The following L3MBTL3 variants were observed in gnomAD, a reference collection of about 807,000 sequenced individuals.
L3MBTL3 encodes the protein L3MBTL histone methyl-lysine binding protein 3.
L3MBTL3 carries 27 observed loss-of-function variants against 102.3 expected under a neutral mutation model. That is an observed-to-expected ratio of 0.26 (90% CI 0.19 to 0.36). The LOEUF (loss-of-function observed/expected upper bound fraction) is 0.36, where lower values mean the gene tolerates loss of function less well. L3MBTL3 is among the 10% of genes least tolerant of loss of function. L3MBTL3 has a pLI of 1.00. For synonymous variants in L3MBTL3, 340 were observed against 320.9 expected (o/e 1.06, Z -0.64); for missense variants, 798 against 955.3 (o/e 0.84, Z 2.17).
intron 15 of L3MBTL3, among the ~76,000 whole-genome samples, 187 bp from the exon 16 acceptor site, chr6:130,085,953 A>G (rs1783656158): frequency 6.6e-6 from 1 of 152,014 alleles, no homozygotes; most frequent in East Asian, 1.9e-4. Flanking sequence ...GGGTTCAGCC[A>G]TGTTGGCCAG....
At chr6:130,090,799 C>A (rs550126823) in intron 16 of L3MBTL3, among the ~76,000 whole-genome samples, 1 of 151,898 alleles carries the variant, frequency 6.6e-6, no homozygotes, top group Non-Finnish European at 1.5e-5. Context: ...GTTGTCCAGG[C>A]TGATCTTGAA....
At chr6:130,098,349 T>C (rs1176113975) in intron 18 of L3MBTL3, among the ~76,000 whole-genome samples, 1 of 152,154 alleles carries the variant, frequency 6.6e-6, no homozygotes, top group African/African-American at 2.4e-5. Context: ...TGAGGGACTG[T>C]ATAGAGGAGA....
intron 1 of L3MBTL3, chr6:130,020,388 C>A (rs1466064182): frequency 7.6e-6 from 1 of 132,258 alleles, no homozygotes; most frequent in African/African-American, 2.9e-5. Context: ...CACGGTGGCA[C>A]GGGCGGGGGG....
chr6:130,099,020 T>G (rs748464890), intron 18 of L3MBTL3, among the ~76,000 whole-genome samples: 1 of 151,960 alleles, frequency 6.6e-6, no homozygotes, highest in Non-Finnish European at 1.5e-5. Flanking sequence ...CAATAAAAAT[T>G]ACAATTAAAA....
rs1216212511 is a variant in L3MBTL3 at position 130,086,235 on chromosome 6, T to A, written c.1503T>A (p.Asp501Glu). The A allele has an allele frequency of 6.2e-7, 1 of 1,607,754 alleles. No homozygotes were observed. Among genetic ancestry groups the A allele is most frequent in the Non-Finnish European group, 8.5e-7 (1 of 1,175,204 alleles). The change falls in exon 16 of 23, where the codon GAT becomes GAA. Residue 501 changes from aspartate (D) to glutamate (E), a missense_variant. By Grantham distance (45) the Asp-to-Glu change is conservative. Transcript: ENST00000361794. Reference protein sequence around the residue: ...FIRVATVADTDDHRVKVHFDG... With the variant: ...FIRVATVADTEDHRVKVHFDG... ...GAGTAGCAACTGTGGCAGACACAGA[T>A]GATCACCGGGTAAAAGTAAGTGTTC... is the stretch of plus-strand genomic sequence containing the variant.
At chr6:130,082,940 A>G (rs1383258005) in intron 14 of L3MBTL3, among the ~76,000 whole-genome samples, 2 of 152,192 alleles carry the variant, frequency 1.3e-5, no homozygotes, top group African/African-American at 2.4e-5. Context: ...TATCTCTGAT[A>G]TATTTGCTGC....
chr6:130,069,496 A>G (rs974473918), intron 12 of L3MBTL3, among the ~76,000 whole-genome samples: 2 of 152,178 alleles, frequency 1.3e-5, no homozygotes, highest in African/African-American at 4.8e-5. Context: ...GTGCATGCGT[A>G]TGTGTGTTTA....
At chr6:130,136,904 C>T (rs1015040732) in intron 22 of L3MBTL3, among the ~76,000 whole-genome samples, 2 of 152,164 alleles carry the variant, frequency 1.3e-5, no homozygotes, top group East Asian at 1.9e-4. Flanking sequence ...ACTCATGAGC[C>T]GCTGCTCCTG....
intron 2 of L3MBTL3, among the ~76,000 whole-genome samples, chr6:130,027,203 C>G (rs955209270): frequency 1.3e-5 from 2 of 152,034 alleles, no homozygotes; most frequent in African/African-American, 4.8e-5. Flanking sequence ...TAGAAGGATG[C>G]CATTGTAGGC....
intron 16 of L3MBTL3, among the ~76,000 whole-genome samples, chr6:130,088,999 G>A (rs1175485443): frequency 6.6e-6 from 1 of 152,014 alleles, no homozygotes; most frequent in Non-Finnish European, 1.5e-5. Context: ...ATTTTTACAA[G>A]TGCAACAGTG....
At chr6:130,060,363 A>C (rs569848152) in intron 10 of L3MBTL3, among the ~76,000 whole-genome samples, 1 of 152,168 alleles carries the variant, frequency 6.6e-6, no homozygotes, top group Non-Finnish European at 1.5e-5. Flanking sequence ...GAAGTGATGG[A>C]TACAAGACCA....
In L3MBTL3 at chr6:130,051,309, T is replaced by C; in HGVS notation, c.350T>C (p.Leu117Pro). 1 of 1,613,202 alleles carries C rather than the reference T, an allele frequency of 6.2e-7. No individual in the cohort carries two copies. Among genetic ancestry groups the C allele is most frequent in the Non-Finnish European group, 8.5e-7 (1 of 1,179,106 alleles). The change falls in exon 6 of 23, where the codon CTT (leucine) becomes CCT (proline). Residue 117 changes from leucine (L) to proline (P), a missense_variant. Coordinates refer to ENST00000361794, the MANE Select transcript of L3MBTL3 (RefSeq NM_032438.4). ...RLKDPVKVEG[L>P]QFCENCCQYG... ...AAGGATCCAGTGAAAGTAGAAGGGCTTCAGTTCTGTGAGAACTGTTGTCAG... is the reference window on the plus strand; with the variant it reads ...AAGGATCCAGTGAAAGTAGAAGGGCCTCAGTTCTGTGAGAACTGTTGTCAG...
At chr6:130,079,583 A>G (rs1783183317) in intron 14 of L3MBTL3, among the ~76,000 whole-genome samples, 1 of 152,210 alleles carries the variant, frequency 6.6e-6, no homozygotes, top group South Asian at 2.1e-4. Flanking sequence ...TGCGCAGTAG[A>G]CAATTGCTTA....
intron 6 of L3MBTL3, 132 bp downstream of exon 6, chr6:130,051,540 T>C: frequency 1.3e-6 from 1 of 778,762 alleles, no homozygotes; most frequent in Admixed American, 2.5e-5. Flanking sequence ...ACTTTTCCTT[T>C]AGGGCCACAT....
In L3MBTL3 at chr6:130,094,310, C is replaced by A; in HGVS notation, c.1679C>A (p.Thr560Asn). The A allele has an allele frequency of 1.9e-6, 3 of 1,613,854 alleles. No homozygotes were observed. The highest frequency in any genetic ancestry group is 2.5e-6 in the Non-Finnish European group (3 of 1,179,830). ...MEASEHGGCS[T>N]PGCKGIGHFK... ...GCTTCAGAACATGGTGGATGCTCAA[C>A]CCCGGGATGTAAAGGGATTGGCCAT... Residue 560 changes from threonine (T) to asparagine (N), a missense_variant, in exon 18 of 23, where the codon ACC (threonine) becomes AAC (asparagine). Physicochemically the swap from Thr to Asn is moderately conservative, Grantham distance 65. Transcript: ENST00000361794.
intron 10 of L3MBTL3, among the ~76,000 whole-genome samples, chr6:130,063,254 T>G (rs1782029519): frequency 6.6e-6 from 1 of 152,096 alleles, no homozygotes; most frequent in South Asian, 2.1e-4. Flanking sequence ...GGCACACATT[T>G]GGGAAACCTT....
intron 2 of L3MBTL3, among the ~76,000 whole-genome samples, chr6:130,036,291 G>A (rs1486578945): frequency 1.3e-5 from 2 of 152,128 alleles, no homozygotes; most frequent in Non-Finnish European, 2.9e-5. Context: ...AGAACAATCT[G>A]TTGTAGCCAT....
At chr6:130,028,509 G>A (rs903734622) in intron 2 of L3MBTL3, among the ~76,000 whole-genome samples, 36 of 152,196 alleles carry the variant, frequency 2.4e-4, no homozygotes, top group Middle Eastern at 3.2e-3. Flanking sequence ...TAAGATTTCA[G>A]TTCTCACATT....
At chr6:130,031,395 A>C (rs894128776) in intron 2 of L3MBTL3, among the ~76,000 whole-genome samples, 6 of 152,176 alleles carry the variant, frequency 3.9e-5, no homozygotes, top group African/African-American at 1.2e-4. Context: ...ATTCCATGGA[A>C]CTTGATGTGA....
Sources: gnomAD v4.1 joint callset for allele counts (sites outside exome capture counted in the v4.1 genomes callset) on GRCh38, gnomAD v4.1.1 for gene constraint, MANE v1.5 for transcripts, NCBI Gene and HGNC (gene_info 2026-07-23, HGNC 2026-07-21) for gene names.